FYN: variants seen among roughly 807,000 people sequenced by gnomAD.
FYN encodes tyrosine-protein kinase Fyn.
A neutral mutation model predicts 70.2 loss-of-function variants in FYN; 10 were observed. The ratio of observed to expected loss-of-function variants is 0.14; its 90% CI spans 0.09 to 0.24. FYN has a LOEUF of 0.24. Ranked by LOEUF, FYN falls within the 10% of genes least tolerant of loss-of-function variation. FYN has a pLI of 1.00. For synonymous variants in FYN, 236 were observed against 248.6 expected (o/e 0.95, Z 0.48); for missense variants, 319 against 673.1 (o/e 0.47, Z 5.82).
chr6:111,710,451 T>A (rs920022139), intron 5 of FYN, among the ~76,000 whole-genome samples: 1 of 152,226 alleles, frequency 6.6e-6, no homozygotes, highest in African/African-American at 2.4e-5. Context: ...AGAATGCAAT[T>A]ATCAGCTCAT....
chr6:111,797,910 G>A (rs373316008), intron 2 of FYN, among the ~76,000 whole-genome samples: 2 of 151,648 alleles, frequency 1.3e-5, no homozygotes, highest in East Asian at 1.9e-4. Context: ...CTACAGGCAT[G>A]TGCCACCATG....
At chr6:111,778,154 G>A (rs1771023962) in intron 3 of FYN, among the ~76,000 whole-genome samples, 1 of 152,186 alleles carries the variant, frequency 6.6e-6, no homozygotes, top group African/African-American at 2.4e-5. Context: ...TGGGGAAGTA[G>A]AGGCCTCCTC....
chr6:111,699,441 T>A, intron 9 of FYN: 1 of 1,491,416 alleles, frequency 6.7e-7, no homozygotes, highest in Non-Finnish European at 9.2e-7. Context: ...CGGCTGTGTG[T>A]GCATTTTTGT....
At chr6:111,714,518 T>C in intron 4 of FYN, 75 bp from the exon 5 acceptor site, 1 of 1,046,462 alleles carries the variant, frequency 9.6e-7, no homozygotes, top group East Asian at 2.4e-5. Flanking sequence ...AAATCTTCAC[T>C]AAAATCTCAT....
intron 3 of FYN, among the ~76,000 whole-genome samples, chr6:111,762,835 C>T (rs2128494639): frequency 6.6e-6 from 1 of 152,166 alleles, no homozygotes; most frequent in South Asian, 2.1e-4. Flanking sequence ...GTGATATCTG[C>T]CACCTGCCAC....
At chr6:111,675,794 G>GA (rs1798507424) in intron 12 of FYN, among the ~76,000 whole-genome samples, 1 of 147,874 alleles carries the variant, frequency 6.8e-6, no homozygotes. Context: ...GTCCGTCTCA[G>GA]AAAAAAATGA....
chr6:111,848,876 A>G (rs2114485920), intron 1 of FYN, among the ~76,000 whole-genome samples: 1 of 152,336 alleles, frequency 6.6e-6, no homozygotes, highest in Middle Eastern at 3.4e-3. Flanking sequence ...CTTAAAAATC[A>G]TTTTTTAAAA....
At chr6:111,721,136 C>T (rs116424883) in intron 3 of FYN, among the ~76,000 whole-genome samples, 2,022 of 152,274 alleles carry the variant, frequency 0.013, 44 homozygotes, top group African/African-American at 0.047. Flanking sequence ...AATAAGGCAC[C>T]GCTTCCTCTG....
chr6:111,827,090 C>T (rs6921229), intron 2 of FYN, among the ~76,000 whole-genome samples: 47,196 of 152,020 alleles, frequency 0.31, 11,908 homozygotes, highest in African/African-American at 0.7. Context: ...AGTCGGCCAA[C>T]GAGAGAGGCT....
intron 4 of FYN, among the ~76,000 whole-genome samples, chr6:111,718,113 A>T (rs1800754553): frequency 1.3e-5 from 2 of 152,148 alleles, no homozygotes; most frequent in African/African-American, 4.8e-5. Flanking sequence ...AGCCAGCCCC[A>T]CTGTGTGGAA....
At chr6:111,791,041 T>TC (rs1000723184) in intron 2 of FYN, among the ~76,000 whole-genome samples, 50 of 152,204 alleles carry the variant, frequency 3.3e-4, no homozygotes, top group African/African-American at 1.2e-3. Context: ...GTCTTTTTTT[T>TC]CTGATGGAAA....
intron 3 of FYN, among the ~76,000 whole-genome samples, chr6:111,722,069 G>GCTCCCTGGGCA (rs1273631711): frequency 1.3e-5 from 2 of 152,250 alleles, no homozygotes; most frequent in African/African-American, 4.8e-5. Flanking sequence ...TCAGAAGAGT[G>GCTCCCTGGGCA]CTCCCTGGGC....
intron 2 of FYN, chr6:111,819,910 T>G (rs150775835): frequency 2.0e-5 from 3 of 152,332 alleles, no homozygotes; most frequent in African/African-American, 7.2e-5. Flanking sequence ...ATTAAGAATA[T>G]TTAAAAGTTT....
intron 2 of FYN, among the ~76,000 whole-genome samples, chr6:111,834,709 C>G (rs1773123348): frequency 6.6e-6 from 1 of 152,208 alleles, no homozygotes; most frequent in Non-Finnish European, 1.5e-5. Flanking sequence ...TACTCAGGAG[C>G]TGCAGGCGGC....
intron 2 of FYN, among the ~76,000 whole-genome samples, chr6:111,831,502 T>G (rs1003103295): frequency 3.9e-5 from 6 of 152,202 alleles, no homozygotes; most frequent in African/African-American, 1.4e-4. Flanking sequence ...CTCTGCAATA[T>G]TCACAAATCT....
intron 2 of FYN, among the ~76,000 whole-genome samples, chr6:111,783,410 T>C (rs1182096085): frequency 6.6e-6 from 1 of 152,230 alleles, no homozygotes. Context: ...CTTAAGGCTA[T>C]TTCAATCCAT....
intron 2 of FYN, among the ~76,000 whole-genome samples, chr6:111,794,116 C>T (rs899524359): frequency 3.9e-5 from 6 of 152,236 alleles, no homozygotes; most frequent in Admixed American, 1.3e-4. Context: ...CTCCTCCATC[C>T]GCCATGAGGA....
At chr6:111,708,163 A>G (rs982641869) in intron 5 of FYN, 143 bp from the exon 6 acceptor site, 4 of 637,932 alleles carry the variant, frequency 6.3e-6, no homozygotes, top group African/African-American at 5.4e-5. Context: ...CTGAACTCCA[A>G]CATAGTCCCC....
chr6:111,689,350 AC>A (rs1471839139), intron 12 of FYN, among the ~76,000 whole-genome samples: 1 of 152,216 alleles, frequency 6.6e-6, no homozygotes, highest in African/African-American at 2.4e-5. Flanking sequence ...GGCAAATGAC[AC>A]ACTAAGTGTG....
Sources: gnomAD v4.1 joint callset for allele counts (sites outside exome capture counted in the v4.1 genomes callset) on GRCh38, gnomAD v4.1.1 for gene constraint, MANE v1.5 for transcripts, NCBI Gene and HGNC (gene_info 2026-07-23, HGNC 2026-07-21) for gene names.